SPECC1: variants seen among roughly 807,000 people sequenced by gnomAD.
SPECC1 encodes cytospin-B.
SPECC1 carries 62 observed loss-of-function variants against 104.1 expected under a neutral mutation model. That is an observed-to-expected ratio of 0.60 (90% confidence interval 0.49 to 0.74). SPECC1 has a LOEUF of 0.74. SPECC1 is among the 30% of genes least tolerant of loss of function. The pLI is 0.00. For missense variants in SPECC1, 1,306 were observed against 1,310.5 expected, an observed-to-expected ratio of 1.00 and a Z score of 0.05; for synonymous variants, 513 against 501.6, an observed-to-expected ratio of 1.02 and a Z score of -0.30.
intron 1 of SPECC1, among the ~76,000 whole-genome samples, chr17:20,063,058 C>T (rs1348087180): frequency 1.3e-5 from 2 of 152,120 alleles, no homozygotes; most frequent in African/African-American, 4.8e-5. Context: ...CTTATAATTC[C>T]CATCCCAACT....
intron 4 of SPECC1, among the ~76,000 whole-genome samples, chr17:20,210,458 G>A (rs529379068): frequency 2.2e-4 from 33 of 152,322 alleles, no homozygotes; most frequent in African/African-American, 7.2e-4. Context: ...ACCTGTTGGC[G>A]ACTTGGGGCA....
chr17:20,051,467 G>A (rs2045775279), intron 1 of SPECC1, among the ~76,000 whole-genome samples: 1 of 152,122 alleles, frequency 6.6e-6, no homozygotes, highest in African/African-American at 2.4e-5. Flanking sequence ...GAGCCACTGT[G>A]CCCAGCTAGC....
At chr17:20,264,521 G>A (rs2040152524) in intron 12 of SPECC1, among the ~76,000 whole-genome samples, 1 of 133,430 alleles carries the variant, frequency 7.5e-6, no homozygotes, top group African/African-American at 2.8e-5. Context: ...ACCCAGTCTG[G>A]GGTGCAGTGG....
In SPECC1 at chr17:20,260,238, G is replaced by T. The variant is rs765904064; in HGVS notation, c.2884G>T (p.Gly962Cys). The stretch of plus-strand genomic sequence containing the variant: ...GGCAGCCTTGGCCCGGGAATACGGT[G>T]GTTCCAAGCGCAATGCTCTACTGAA... ...PLAALAREYG[G>C]SKRNALLKWC... The change falls in exon 12 of 15, where the codon GGT (glycine) becomes TGT (cysteine). Residue 962 changes from glycine (G) to cysteine (C), a missense_variant. Around this residue, in one of 2 missense-constraint regions of SPECC1, gnomAD observed 129 missense variants for 170.6 expected, o/e 0.76. Transcript: ENST00000395527. 6.2e-7 allele frequency: 1 copy of T among 1,614,066 alleles called. No individual in the cohort carries two copies. Among genetic ancestry groups the T allele is most frequent in the South Asian group, 1.1e-5 (1 of 91,070 alleles).
chr17:20,040,124 G>T (rs2045262483), intron 1 of SPECC1, among the ~76,000 whole-genome samples: 1 of 151,324 alleles, frequency 6.6e-6, no homozygotes, highest in African/African-American at 2.4e-5. Context: ...GTATAGTGTT[G>T]TTAGTGGTTG....
Position 20,247,241 on chromosome 17 carries a change from T to G in SPECC1, c.2520T>G (p.Ser840=). ...GRPGGAGQNI[S]VHKTPRSPLS... The stretch of plus-strand genomic sequence containing the variant: ...CAGGTGGAGCTGGACAGAATATTTC[T>G]GTCCATAAGACCCCCAGAAGTCCCC... The change falls in exon 9 of 15, where the codon TCT becomes TCG. Residue 840 remains serine (S), a synonymous_variant. Transcript: ENST00000395527. 1 of 1,613,564 alleles carries G rather than the reference T, an allele frequency of 6.2e-7. No individual in the cohort carries two copies. The highest frequency in any genetic ancestry group is 8.5e-7 in the Non-Finnish European group (1 of 1,179,748).
chr17:20,231,560 A>G (rs553794108), intron 5 of SPECC1, among the ~76,000 whole-genome samples, 198 bp from the exon 6 acceptor site: 1 of 152,296 alleles, frequency 6.6e-6, no homozygotes, highest in East Asian at 1.9e-4. Context: ...CCTGTTCTTT[A>G]TCTCAGAGGA....
chr17:20,317,306 C>T lies in SPECC1; in HGVS notation c.*3241C>T, dbSNP rs143498848. ...GAGAGAGCGTCTCACTTCTCTGTCA[C>T]CCAGGCTAGAGTAGTGTGATCTTGG... On this transcript the variant is annotated 3_prime_UTR_variant, in exon 15 of 15. Coordinates refer to ENST00000395527, the MANE Select transcript of SPECC1 (RefSeq NM_001243439.2). 5.5e-4 allele frequency: 73 copies of T among 132,400 alleles called. No individual in the cohort carries two copies. In the East Asian group the frequency reaches 0.014, roughly 26 times the overall value. The allele number at this position is 132,400 out of a possible 1,614,324, so 8.2% of individuals were successfully genotyped here.
At chr17:20,139,229 C>A (rs1025282346) in intron 3 of SPECC1, among the ~76,000 whole-genome samples, 1 of 152,226 alleles carries the variant, frequency 6.6e-6, no homozygotes, top group Non-Finnish European at 1.5e-5. Flanking sequence ...CTTTGGGTTA[C>A]AAGATAGACA....
intron 7 of SPECC1, chr17:20,239,306 T>A: frequency 9.9e-7 from 1 of 1,011,048 alleles, no homozygotes; most frequent in Non-Finnish European, 1.2e-6. Flanking sequence ...TTAATCTTTC[T>A]TCTCCCTCAG....
intron 6 of SPECC1, 50 bp from the exon 7 acceptor site, chr17:20,232,150 C>T: frequency 1.2e-6 from 2 of 1,603,006 alleles, no homozygotes; most frequent in Non-Finnish European, 1.7e-6. Flanking sequence ...CCTGCCCAGG[C>T]ACTGGCCCTG....
intron 12 of SPECC1, among the ~76,000 whole-genome samples, chr17:20,268,290 CT>C (rs2040282209): frequency 6.6e-6 from 1 of 152,154 alleles, no homozygotes; most frequent in South Asian, 2.1e-4. Flanking sequence ...ATCTTCTTCT[CT>C]TTTGGAGAAA....
intron 12 of SPECC1, among the ~76,000 whole-genome samples, chr17:20,289,550 G>A (rs538432985): frequency 2.3e-3 from 343 of 152,248 alleles, no homozygotes; most frequent in Non-Finnish European, 3.8e-3. Flanking sequence ...TGATCCATCC[G>A]CCTAGGCCTC....
intron 3 of SPECC1, among the ~76,000 whole-genome samples, chr17:20,149,204 G>A (rs1188454034): frequency 1.3e-5 from 2 of 152,138 alleles, no homozygotes; most frequent in African/African-American, 2.4e-5. Flanking sequence ...AGGAGGCAAC[G>A]TGCAGTTGTT....
intron 12 of SPECC1, among the ~76,000 whole-genome samples, chr17:20,279,288 A>C (rs1020063444): frequency 6.7e-6 from 1 of 148,790 alleles, no homozygotes; most frequent in African/African-American, 2.5e-5. Flanking sequence ...AGGTTAACGG[A>C]GTTGAAGGTT....
chr17:20,124,195 C>G (rs183300813), intron 3 of SPECC1, among the ~76,000 whole-genome samples: 2 of 152,036 alleles, frequency 1.3e-5, no homozygotes, highest in Admixed American at 6.5e-5. Flanking sequence ...GATGCCAGGT[C>G]CTGCTGTGTG....
In SPECC1 at chr17:20,205,375, G is replaced by C. The variant is rs750032423; in HGVS notation, c.1326G>C (p.Lys442Asn). 2 of 1,613,718 alleles carry C rather than the reference G, an allele frequency of 1.2e-6. No homozygotes were observed. ...AGCAGCTAAGTCAAGAAAATGAGAA[G>C]CTGATGAATCTTTTACAAGAGCGAG... ...RAEQLSQENE[K>N]LMNLLQERVK... The change falls in exon 4 of 15, where the codon AAG (lysine) becomes AAC (asparagine). Residue 442 changes from lysine (K) to asparagine (N), a missense_variant. Around this residue, in one of 2 missense-constraint regions of SPECC1, gnomAD observed 1,177 missense variants for 1,139.9 expected, o/e 1.03. Coordinates refer to ENST00000395527, the MANE Select transcript of SPECC1 (RefSeq NM_001243439.2).
chr17:20,240,516 T>C (rs1307754959), intron 7 of SPECC1, among the ~76,000 whole-genome samples: 1 of 152,204 alleles, frequency 6.6e-6, no homozygotes, highest in East Asian at 1.9e-4. Context: ...ACAAATGTGC[T>C]ATTAAATGTC....
intron 1 of SPECC1, among the ~76,000 whole-genome samples, chr17:20,054,868 G>C (rs2045903370): frequency 6.6e-6 from 1 of 152,150 alleles, no homozygotes; most frequent in African/African-American, 2.4e-5. Context: ...ACCCAGGCTA[G>C]TCTCGAACTC....
Sources: gnomAD v4.1 joint callset for allele counts (sites outside exome capture counted in the v4.1 genomes callset) on GRCh38, gnomAD v4.1.1 for gene constraint, gnomAD v4.1.1 regional missense constraint, MANE v1.5 for transcripts, NCBI Gene and HGNC (gene_info 2026-07-23, HGNC 2026-07-21) for gene names.